The following TUSC3 variants were observed in gnomAD, a reference collection of about 807,000 sequenced individuals.
TUSC3 encodes tumor suppressor candidate 3, also known as dolichyl-diphosphooligosaccharide--protein glycosyltransferase subunit TUSC3.
Under a neutral mutation model 44.8 loss-of-function variants are expected in TUSC3, and 45 were observed. The observed-to-expected ratio is 1.00, with a 90% CI of 0.79 to 1.29. TUSC3 has a LOEUF of 1.29. TUSC3 is among the 50% of genes most tolerant of loss of function. The pLI is 0.00. For synonymous variants in TUSC3, 212 were observed against 152.9 expected, an observed-to-expected ratio of 1.39 and a Z score of -2.85; for missense variants, 519 against 437.9, an observed-to-expected ratio of 1.19 and a Z score of -1.65.
At chr8:15,540,996 CAG>C (rs1424320134) in intron 1 of TUSC3, among the ~76,000 whole-genome samples, 14 of 152,330 alleles carry the variant, frequency 9.2e-5, no homozygotes, top group South Asian at 2.1e-4. Flanking sequence ...AGAACCTGTG[CAG>C]AGTGTGTTTT....
chr8:15,780,476 A>C, the TUSC3 span, among the ~76,000 whole-genome samples: 2 of 152,174 alleles, frequency 1.3e-5, no homozygotes, highest in African/African-American at 4.8e-5. Flanking sequence ...TTTTGTATGG[A>C]CACACAAACA....
chr8:15,688,309 T>C (rs1461559486), intron 6 of TUSC3, among the ~76,000 whole-genome samples: 1 of 152,226 alleles, frequency 6.6e-6, no homozygotes, highest in Non-Finnish European at 1.5e-5. Flanking sequence ...AAAAATTGTT[T>C]TCAATGCATG....
intron 6 of TUSC3, among the ~76,000 whole-genome samples, chr8:15,676,752 G>C (rs1175657530): frequency 1.4e-4 from 21 of 152,274 alleles, no homozygotes; most frequent in Non-Finnish European, 1.2e-4. Flanking sequence ...AAATCATCCA[G>C]CTCCAAATAT....
intron 1 of TUSC3, among the ~76,000 whole-genome samples, chr8:15,445,351 G>A (rs984117648): frequency 1.3e-5 from 2 of 151,778 alleles, no homozygotes; most frequent in African/African-American, 4.8e-5. Context: ...ATCATTATTG[G>A]GTGTTTCTCA....
intron 5 of TUSC3, among the ~76,000 whole-genome samples, chr8:15,669,536 G>A (rs1365023843): frequency 6.6e-6 from 1 of 151,724 alleles, no homozygotes; most frequent in South Asian, 2.1e-4. Flanking sequence ...GTAATACATT[G>A]TCAAGTTATT....
intron 1 of TUSC3, among the ~76,000 whole-genome samples, chr8:15,540,929 A>G (rs920820696): frequency 1.3e-5 from 2 of 152,214 alleles, no homozygotes; most frequent in Non-Finnish European, 2.9e-5. Context: ...CCTGCAGGAA[A>G]TATGTTTTCC....
the TUSC3 span, among the ~76,000 whole-genome samples, chr8:15,847,887 G>C: frequency 6.6e-6 from 1 of 151,930 alleles, no homozygotes; most frequent in African/African-American, 2.4e-5. Flanking sequence ...TTTTAAGCTA[G>C]GAATAATCAT....
chr8:15,427,852 C>G (rs550974594), intron 1 of TUSC3, among the ~76,000 whole-genome samples: 8 of 152,258 alleles, frequency 5.3e-5, no homozygotes, highest in Non-Finnish European at 8.8e-5. Context: ...AGCTTTTCCC[C>G]TGTTTTCTTC....
At chr8:15,771,624 T>C (rs928101617), downstream of TUSC3, among the ~76,000 whole-genome samples, 1 of 151,900 alleles carries the variant, frequency 6.6e-6, no homozygotes, top group Non-Finnish European at 1.5e-5. Context: ...CTAACAAATA[T>C]GTGGAAAATA....
intron 1 of TUSC3, among the ~76,000 whole-genome samples, chr8:15,598,817 A>G (rs952558662): frequency 6.6e-6 from 1 of 151,558 alleles, no homozygotes; most frequent in Non-Finnish European, 1.5e-5. Context: ...GTCTGGATGT[A>G]CCAGTTTATT....
At chr8:15,729,869 G>C (rs899115859) in intron 6 of TUSC3, among the ~76,000 whole-genome samples, 2 of 145,310 alleles carry the variant, frequency 1.4e-5, no homozygotes, top group Admixed American at 6.9e-5. Context: ...TTGAAGACGA[G>C]AAAAAAAAAA....
At chr8:15,602,408 C>T (rs1033822877) in intron 1 of TUSC3, among the ~76,000 whole-genome samples, 1 of 151,326 alleles carries the variant, frequency 6.6e-6, no homozygotes, top group African/African-American at 2.4e-5. Context: ...TTTTATTTCC[C>T]CACAGTTTAT....
chr8:15,753,040 A>C (rs186122840), intron 9 of TUSC3, among the ~76,000 whole-genome samples: 31 of 152,152 alleles, frequency 2.0e-4, no homozygotes, highest in African/African-American at 6.5e-4. Flanking sequence ...AAACAAATTT[A>C]AGTAATTTTT....
chr8:15,523,479 C>G (rs1284090926), intron 2 of TUSC3, among the ~76,000 whole-genome samples: 2 of 151,978 alleles, frequency 1.3e-5, no homozygotes, highest in East Asian at 3.9e-4. Flanking sequence ...TGAGGACCAA[C>G]ACTATTTATT....
chr8:15,529,956 T>C (rs1801429485), intron 2 of TUSC3, among the ~76,000 whole-genome samples: 1 of 15,144 alleles, frequency 6.6e-5, no homozygotes, highest in African/African-American at 1.6e-4. Context: ...CGGCTAATTT[T>C]TTGTATTTTT....
intron 5 of TUSC3, 148 bp from the exon 6 acceptor site, chr8:15,673,599 C>A: frequency 1.5e-6 from 1 of 685,504 alleles, no homozygotes. Context: ...TACTCAAAGT[C>A]CCATAGTTAA....
intron 1 of TUSC3, among the ~76,000 whole-genome samples, chr8:15,602,664 A>ATGTGTG (rs1237881073): frequency 9.8e-6 from 1 of 102,324 alleles, no homozygotes; most frequent in East Asian, 3.1e-4. Context: ...TAAAATATTT[A>ATGTGTG]TATGTGTGTG....
intron 2 of TUSC3, among the ~76,000 whole-genome samples, chr8:15,626,336 G>T (rs1469414009): frequency 6.6e-6 from 1 of 152,232 alleles, no homozygotes; most frequent in Non-Finnish European, 1.5e-5. Flanking sequence ...GGAGAGCAGG[G>T]CAGTCAGGTA....
At chr8:15,789,578 A>G in the TUSC3 span, among the ~76,000 whole-genome samples, 12 of 152,190 alleles carry the variant, frequency 7.9e-5, no homozygotes, top group African/African-American at 2.7e-4. Flanking sequence ...CATTCTAACA[A>G]AAAATAAACA....
Sources: allele counts gnomAD v4.1 joint callset (sites outside exome capture counted in the v4.1 genomes callset), GRCh38; gene constraint gnomAD v4.1.1; transcripts MANE v1.5; gene names NCBI Gene and HGNC (gene_info 2026-07-23, HGNC 2026-07-21).